The following USP8 variants were observed in gnomAD, a reference collection of about 807,000 sequenced individuals.
USP8 encodes ubiquitin carboxyl-terminal hydrolase 8.
A neutral mutation model predicts 130.0 loss-of-function variants in USP8; 27 were observed. The ratio of observed to expected loss-of-function variants is 0.21; its 90% confidence interval spans 0.15 to 0.29. The LOEUF is 0.29. Among genes scored for constraint, USP8 ranks in the 10% least tolerant of loss-of-function variants. USP8 has a pLI of 1.00. For synonymous variants in USP8, 392 were observed against 444.1 expected, an observed-to-expected ratio of 0.88 and a Z score of 1.48; for missense variants, 1,029 against 1,312.2, an observed-to-expected ratio of 0.78 and a Z score of 3.33.
At chr15:50,457,866 A>C (rs970615550) in intron 4 of USP8, among the ~76,000 whole-genome samples, 3 of 149,454 alleles carry the variant, frequency 2.0e-5, no homozygotes, top group African/African-American at 7.3e-5. Flanking sequence ...GTCTCAAAAA[A>C]AAAAAGAAAA....
Position 50,482,070 on chromosome 15 carries a change from G to A in USP8, c.1803+5G>A, listed in dbSNP as rs748821931. 4 of 1,481,192 alleles carry A rather than the reference G, an allele frequency of 2.7e-6. No homozygotes were observed. Among genetic ancestry groups the A allele is most frequent in the Middle Eastern group, 1.8e-4 (1 of 5,500 alleles). The allele number at this position is 1,481,192 out of a possible 1,614,324, so 91.8% of individuals were successfully genotyped here. Reference sequence around the variant, plus strand: ...GGGGATTCAGGTTCAGGCAAGGTAAGCAGAAACAGTACAAATTGCCAACGA... The same window carrying A: ...GGGGATTCAGGTTCAGGCAAGGTAAACAGAAACAGTACAAATTGCCAACGA... On this transcript the variant is annotated splice_donor_5th_base_variant and intron_variant, in intron 11 of 19. Transcript: ENST00000307179.
chr15:50,460,905 C>T (rs1048392673), intron 5 of USP8, among the ~76,000 whole-genome samples: 8 of 151,974 alleles, frequency 5.3e-5, no homozygotes, highest in Admixed American at 5.2e-4. Context: ...ACCTGTAATC[C>T]CAGCTCTTTG....
chr15:50,447,556 T>C (rs1365065688), intron 3 of USP8, among the ~76,000 whole-genome samples: 1 of 151,670 alleles, frequency 6.6e-6, no homozygotes. Flanking sequence ...TTAGTTTTTT[T>C]TTTCTTTTCT....
intron 11 of USP8, among the ~76,000 whole-genome samples, chr15:50,483,021 T>C (rs2141306267): frequency 6.6e-6 from 1 of 152,348 alleles, no homozygotes; most frequent in Admixed American, 6.5e-5. Context: ...GAAGCCCATG[T>C]ACTAAAACTC....
chr15:50,440,506 T>C (rs148384976), intron 2 of USP8, among the ~76,000 whole-genome samples: 29 of 152,334 alleles, frequency 1.9e-4, no homozygotes, highest in African/African-American at 6.5e-4. Context: ...GAGGATAGTT[T>C]TGGGATGAGT....
chr15:50,480,670 C>G (rs1160656861), intron 10 of USP8, among the ~76,000 whole-genome samples: 1 of 151,894 alleles, frequency 6.6e-6, no homozygotes, highest in Admixed American at 6.6e-5. Flanking sequence ...GTATACACAG[C>G]CATATGACTG....
At chr15:50,464,573 G>C (rs962263988) in intron 6 of USP8, among the ~76,000 whole-genome samples, 2 of 152,170 alleles carry the variant, frequency 1.3e-5, no homozygotes, top group East Asian at 1.9e-4. Flanking sequence ...AAAAACACAA[G>C]GTCAGGTATG....
intron 8 of USP8, among the ~76,000 whole-genome samples, chr15:50,475,837 AG>A (rs2051550057): frequency 6.6e-6 from 1 of 152,114 alleles, no homozygotes; most frequent in Non-Finnish European, 1.5e-5. Flanking sequence ...TCCTGACCTC[AG>A]GTGATCCTCC....
chr15:50,477,025 C>T (rs1224312169), intron 9 of USP8, 32 bp downstream of exon 9: 7 of 1,594,158 alleles, frequency 4.4e-6, no homozygotes, highest in Non-Finnish European at 6.0e-6. Context: ...TTTAAAATTG[C>T]TTTGGTAAAA....
chr15:50,472,769 G>C (rs1439218847), intron 8 of USP8, among the ~76,000 whole-genome samples: 1 of 152,042 alleles, frequency 6.6e-6, no homozygotes, highest in Non-Finnish European at 1.5e-5. Flanking sequence ...AATTAGTCGG[G>C]CATGGTGGTG....
chr15:50,443,508 G>A (rs1367786467), intron 3 of USP8, among the ~76,000 whole-genome samples: 2 of 151,814 alleles, frequency 1.3e-5, no homozygotes, highest in African/African-American at 2.4e-5. Flanking sequence ...TTTAAAGACG[G>A]AGTCTCACTC....
At chr15:50,427,911 G>A (rs564050420) in intron 1 of USP8, among the ~76,000 whole-genome samples, 1 of 151,496 alleles carries the variant, frequency 6.6e-6, no homozygotes, top group East Asian at 1.9e-4. Flanking sequence ...AGGCTGGAGT[G>A]CAGTGGCATG....
rs773446363 is a variant in USP8 at position 50,493,406 on chromosome 15, C to T, written c.2447+493C>T. 1.9e-5 allele frequency: 10 copies of T among 519,028 alleles called. No individual in the cohort carries two copies. The East Asian group carries it at 5.4e-4, about 28-fold the overall frequency. 32.2% of individuals were successfully genotyped at this position (519,028 alleles called of 1,614,324 possible). On this transcript the variant is annotated intron_variant, in intron 15 of 19. Transcript: ENST00000307179. ...TTTACCTTTCAAACCATAGTACTTA[C>T]CACTCAGCTCCAGAAAAGTCAAATT...
chr15:50,446,478 A>G (rs2050445201), intron 3 of USP8, among the ~76,000 whole-genome samples: 2 of 152,094 alleles, frequency 1.3e-5, no homozygotes, highest in African/African-American at 4.8e-5. Flanking sequence ...TTTTGGTTTT[A>G]CTTTGTATTT....
intron 1 of USP8, among the ~76,000 whole-genome samples, chr15:50,429,874 C>G (rs539735545): frequency 3.3e-5 from 5 of 152,092 alleles, no homozygotes; most frequent in African/African-American, 1.2e-4. Flanking sequence ...AATGATTTTG[C>G]ATCTGTTAAA....
intron 3 of USP8, among the ~76,000 whole-genome samples, chr15:50,443,726 C>T (rs1293674122): frequency 6.6e-6 from 1 of 152,064 alleles, no homozygotes; most frequent in East Asian, 1.9e-4. Flanking sequence ...TCATGATCCG[C>T]CTGCCTCTGC....
intron 3 of USP8, among the ~76,000 whole-genome samples, chr15:50,449,094 A>C (rs1031696693): frequency 3.3e-5 from 5 of 152,188 alleles, no homozygotes; most frequent in African/African-American, 9.6e-5. Flanking sequence ...TTATTCTTGA[A>C]AGCTTTGCTC....
In USP8 at chr15:50,501,027, A is replaced by T. The variant is rs2052575638; in HGVS notation, c.*1939A>T. On this transcript the variant is annotated 3_prime_UTR_variant, in exon 20 of 20. Coordinates refer to ENST00000307179, the MANE Select transcript of USP8 (RefSeq NM_005154.5). ...GCTTCTCATTTCATTGTAACTACTT[A>T]TATGTTGTGCCCATTGACTATCATC... 1 of 550,114 alleles carries T rather than the reference A, an allele frequency of 1.8e-6. No homozygotes were observed. The highest frequency in any genetic ancestry group is 3.3e-6 in the Non-Finnish European group (1 of 304,382). 34.1% of individuals were successfully genotyped at this position (550,114 alleles called of 1,614,324 possible).
intron 18 of USP8, 157 bp downstream of exon 18, chr15:50,497,388 TGTTA>T (rs761258902): frequency 9.6e-5 from 80 of 837,358 alleles, no homozygotes; most frequent in Admixed American, 1.1e-4. Flanking sequence ...GAAATGAGAC[TGTTA>T]GTTCACCTCA....
Sources: allele counts gnomAD v4.1 joint callset (sites outside exome capture counted in the v4.1 genomes callset), GRCh38; gene constraint gnomAD v4.1.1; transcripts MANE v1.5; gene names NCBI Gene and HGNC (gene_info 2026-07-23, HGNC 2026-07-21).